Variants in ENOX1 observed in about 807,000 individuals in gnomAD.
ENOX1 encodes ecto-NOX disulfide-thiol exchanger 1, also known as candidate growth-related and time keeping constitutive hydroquinone (NADH) oxidase.
Under a neutral mutation model 82.5 loss-of-function variants are expected in ENOX1, and 42 were observed. The ratio of observed to expected loss-of-function variants is 0.51; its 90% CI spans 0.40 to 0.66. The LOEUF (loss-of-function observed/expected upper bound fraction) is 0.66. ENOX1 is among the 30% of genes least tolerant of loss of function. ENOX1 has a pLI of 0.00. For missense variants in ENOX1, 608 were observed against 811.6 expected, an observed-to-expected ratio of 0.75 and a Z score of 3.05; for synonymous variants, 271 against 282.2, an observed-to-expected ratio of 0.96 and a Z score of 0.40.
At chr13:43,560,185 GGTTT>G (rs1454436532) in intron 2 of ENOX1, among the ~76,000 whole-genome samples, 2 of 151,944 alleles carry the variant, frequency 1.3e-5, no homozygotes, top group Non-Finnish European at 2.9e-5. Flanking sequence ...GACATAGATG[GGTTT>G]GTTCTTTTTA....
chr13:43,635,954 A>C (rs1467752053), intron 2 of ENOX1, among the ~76,000 whole-genome samples: 3 of 152,150 alleles, frequency 2.0e-5, no homozygotes, highest in African/African-American at 7.2e-5. Context: ...AATGGGGAAG[A>C]AGCAGGGCCC....
chr13:43,264,099 T>A (rs894847868), intron 14 of ENOX1, among the ~76,000 whole-genome samples: 2 of 152,210 alleles, frequency 1.3e-5, no homozygotes, highest in Non-Finnish European at 2.9e-5. Flanking sequence ...AAAGAAACCA[T>A]ACGTGTAACA....
intron 2 of ENOX1, among the ~76,000 whole-genome samples, chr13:43,627,819 C>T (rs1046294267): frequency 9.2e-5 from 14 of 151,876 alleles, no homozygotes; most frequent in African/African-American, 3.4e-4. Context: ...TAAATCCCTT[C>T]GTCTTCCTTA....
At chr13:43,650,929 C>G (rs1217962248) in intron 2 of ENOX1, among the ~76,000 whole-genome samples, 1 of 152,170 alleles carries the variant, frequency 6.6e-6, no homozygotes, top group Non-Finnish European at 1.5e-5. Flanking sequence ...AACCTCATCA[C>G]GTCCCTCAAT....
At chr13:43,424,850 G>A (rs2055194782) in intron 3 of ENOX1, among the ~76,000 whole-genome samples, 1 of 152,138 alleles carries the variant, frequency 6.6e-6, no homozygotes, top group African/African-American at 2.4e-5. Context: ...AACCCAGAAG[G>A]CATGATGGGG....
chr13:43,291,936 G>A (rs1593745651), intron 12 of ENOX1, among the ~76,000 whole-genome samples: 2 of 152,110 alleles, frequency 1.3e-5, no homozygotes, highest in South Asian at 4.1e-4. Context: ...CTCTTGGCTG[G>A]CCACTGCCCA....
intron 1 of ENOX1, among the ~76,000 whole-genome samples, chr13:43,688,754 C>T (rs892609118): frequency 6.7e-6 from 1 of 149,282 alleles, no homozygotes; most frequent in Non-Finnish European, 1.5e-5. Context: ...GAAAGGGGCA[C>T]AGGAGAAGGA....
intron 5 of ENOX1, among the ~76,000 whole-genome samples, chr13:43,389,388 T>C (rs1181981701): frequency 6.6e-6 from 1 of 152,214 alleles, no homozygotes; most frequent in Non-Finnish European, 1.5e-5. Context: ...AAGTTAAAAT[T>C]ATTTTAAATA....
intron 9 of ENOX1, among the ~76,000 whole-genome samples, chr13:43,343,329 G>A (rs7318601): frequency 0.84 from 127,778 of 152,196 alleles, 53,714 homozygotes; most frequent in South Asian, 0.92. Context: ...ACACTCTTAA[G>A]TAAAGGGCCA....
chr13:43,401,851 T>TA (rs1420243334), intron 5 of ENOX1, among the ~76,000 whole-genome samples: 1 of 152,014 alleles, frequency 6.6e-6, no homozygotes, highest in Non-Finnish European at 1.5e-5. Flanking sequence ...ATCAAAGCCT[T>TA]GAGAGAATCA....
At chr13:43,735,079 TGAAAGAAAAACCA>T (rs1302339175) in intron 1 of ENOX1, among the ~76,000 whole-genome samples, 1 of 152,266 alleles carries the variant, frequency 6.6e-6, no homozygotes. Context: ...TTGTTTTGTT[TGAAAGAAAAACCA>T]GTTTTGTAAG....
At chr13:43,541,002 T>C (rs906525198) in intron 2 of ENOX1, among the ~76,000 whole-genome samples, 4 of 151,744 alleles carry the variant, frequency 2.6e-5, no homozygotes, top group Non-Finnish European at 5.9e-5. Context: ...TGAGAGGTGT[T>C]TGCAGTAAAT....
At chr13:43,309,817 C>G (rs908644373) in intron 11 of ENOX1, among the ~76,000 whole-genome samples, 1 of 124,568 alleles carries the variant, frequency 8.0e-6, no homozygotes, top group Admixed American at 9.0e-5. Flanking sequence ...CACAAAAAAA[C>G]AGTTTTTGCT....
intron 3 of ENOX1, among the ~76,000 whole-genome samples, chr13:43,479,945 T>A (rs71428895): frequency 1.4e-4 from 22 of 151,806 alleles, no homozygotes; most frequent in Middle Eastern, 3.4e-3. Flanking sequence ...TTTTATTTTT[T>A]TTTTTTTGAG....
At chr13:43,322,279 A>G in intron 11 of ENOX1, 105 bp downstream of exon 11, 2 of 804,086 alleles carry the variant, frequency 2.5e-6, no homozygotes, top group South Asian at 1.9e-5. Context: ...AAAGTTTAGT[A>G]TAATTCAAAT....
chr13:43,678,747 C>T (rs915551907), intron 1 of ENOX1, among the ~76,000 whole-genome samples: 3 of 144,716 alleles, frequency 2.1e-5, no homozygotes, highest in African/African-American at 7.3e-5. Flanking sequence ...GTCACACACT[C>T]GATACACTGC....
intron 5 of ENOX1, among the ~76,000 whole-genome samples, chr13:43,392,599 G>A (rs930308649): frequency 5.9e-5 from 9 of 152,214 alleles, no homozygotes; most frequent in African/African-American, 1.7e-4. Context: ...GGAGGCTGAG[G>A]CAGGAGAATC....
At chr13:43,419,454 G>A (rs1044464515) in intron 3 of ENOX1, among the ~76,000 whole-genome samples, 1 of 152,104 alleles carries the variant, frequency 6.6e-6, no homozygotes, top group Admixed American at 6.5e-5. Flanking sequence ...GCTGGGGTGG[G>A]AGGATTGCTT....
intron 2 of ENOX1, among the ~76,000 whole-genome samples, chr13:43,598,371 T>C (rs576243730): frequency 1.3e-5 from 2 of 152,310 alleles, no homozygotes; most frequent in South Asian, 4.1e-4. Flanking sequence ...ACAAGATAAA[T>C]GTTTGTTAAA....
Sources: gnomAD v4.1 joint callset for allele counts (sites outside exome capture counted in the v4.1 genomes callset) on GRCh38, gnomAD v4.1.1 for gene constraint, MANE v1.5 for transcripts, NCBI Gene and HGNC (gene_info 2026-07-23, HGNC 2026-07-21) for gene names.